The following PTPRD variants were observed in gnomAD, a reference collection of about 807,000 sequenced individuals.
The protein encoded by PTPRD is receptor-type tyrosine-protein phosphatase delta.
Under a neutral mutation model 214.5 loss-of-function variants are expected in PTPRD, and 34 were observed. The observed-to-expected ratio is 0.16, with a 90% CI of 0.12 to 0.21. PTPRD has a LOEUF of 0.21. Among genes scored for constraint, PTPRD ranks in the 10% least tolerant of loss-of-function variants. The pLI is 1.00. For missense variants in PTPRD, 2,545 were observed against 2,398.7 expected (o/e 1.06, Z -1.27); for synonymous variants, 1,128 against 845.7 (o/e 1.33, Z -5.79).
At chr9:10,099,201 G>A (rs1000248610) in intron 3 of PTPRD, among the ~76,000 whole-genome samples, 1 of 151,640 alleles carries the variant, frequency 6.6e-6, no homozygotes, top group Non-Finnish European at 1.5e-5. Context: ...AGAGCCTGGG[G>A]TCTAAAATCA....
At chr9:10,343,385 C>T (rs1415889229) in intron 2 of PTPRD, among the ~76,000 whole-genome samples, 2 of 152,134 alleles carry the variant, frequency 1.3e-5, no homozygotes, top group Non-Finnish European at 2.9e-5. Context: ...CATTGATGGA[C>T]ATTCTGGTTG....
chr9:9,361,200 T>C (rs2056009615), intron 9 of PTPRD, among the ~76,000 whole-genome samples: 1 of 151,146 alleles, frequency 6.6e-6, no homozygotes, highest in African/African-American at 2.4e-5. Flanking sequence ...CTTAAATGCT[T>C]ATAACCATTC....
At chr9:9,840,463 G>A (rs576629700) in intron 5 of PTPRD, among the ~76,000 whole-genome samples, 4 of 152,036 alleles carry the variant, frequency 2.6e-5, no homozygotes, top group African/African-American at 9.7e-5. Context: ...AAGTAAATAC[G>A]TAAATGTGAT....
intron 11 of PTPRD, among the ~76,000 whole-genome samples, chr9:8,784,520 A>G (rs950607924): frequency 6.6e-6 from 1 of 152,262 alleles, no homozygotes; most frequent in Non-Finnish European, 1.5e-5. Context: ...ACAAGGCTAC[A>G]TAAAGAAGCA....
intron 2 of PTPRD, among the ~76,000 whole-genome samples, chr9:10,479,662 C>G (rs201737135): frequency 3.8e-5 from 2 of 52,596 alleles, no homozygotes; most frequent in South Asian, 2.5e-3. Context: ...AATAAATAAA[C>G]AAAAATACAA....
chr9:9,572,812 A>C lies in PTPRD; in HGVS notation c.-237+1920T>G, dbSNP rs376776444. ...AAATAAGAGCAAAAACAAATGTTTG[A>C]TAGCATTAATATTCAATATATTCCA... On this transcript the variant is annotated intron_variant, in intron 8 of 45. Transcript: ENST00000381196. Among the ~76,000 whole-genome samples, 15 of 151,542 alleles carry C rather than the reference A, an allele frequency of 9.9e-5. No homozygotes were observed. The East Asian group carries it at 2.9e-3, about 29-fold the overall frequency.
At chr9:10,323,967 T>G (rs1444043040) in intron 3 of PTPRD, among the ~76,000 whole-genome samples, 1 of 152,078 alleles carries the variant, frequency 6.6e-6, no homozygotes, top group African/African-American at 2.4e-5. Flanking sequence ...GTGAGAATTT[T>G]TAAGAGAAAT....
chr9:10,421,181 CA>C (rs35951527), intron 2 of PTPRD, among the ~76,000 whole-genome samples: 1 of 151,746 alleles, frequency 6.6e-6, no homozygotes. Flanking sequence ...GCTTGATCTA[CA>C]AAAAAATTCA....
At chr9:9,975,675 CA>C (rs1188519429) in intron 4 of PTPRD, among the ~76,000 whole-genome samples, 1 of 152,132 alleles carries the variant, frequency 6.6e-6, no homozygotes, top group Non-Finnish European at 1.5e-5. Context: ...ACACCACCAC[CA>C]ACAAGGAGAT....
At chr9:8,804,444 T>C (rs1250933242) in intron 11 of PTPRD, among the ~76,000 whole-genome samples, 1 of 149,050 alleles carries the variant, frequency 6.7e-6, no homozygotes, top group Non-Finnish European at 1.5e-5. Context: ...CAAAAAAAAA[T>C]AAAACTAGCC....
chr9:9,311,838 T>A (rs10977651), intron 9 of PTPRD, among the ~76,000 whole-genome samples: 1 of 152,018 alleles, frequency 6.6e-6, no homozygotes, highest in African/African-American at 2.4e-5. Flanking sequence ...ATTGACTGTA[T>A]CCTAGGTAGA....
intron 7 of PTPRD, among the ~76,000 whole-genome samples, chr9:9,593,168 A>G (rs1399584187): frequency 6.7e-6 from 1 of 148,534 alleles, no homozygotes; most frequent in African/African-American, 2.5e-5. Flanking sequence ...AAAAAGAAAA[A>G]TGAATTTATT....
At chr9:9,022,575 C>T (rs895009259) in intron 10 of PTPRD, among the ~76,000 whole-genome samples, 21 of 152,060 alleles carry the variant, frequency 1.4e-4, no homozygotes, top group African/African-American at 5.1e-4. Context: ...TAGGTTGAGC[C>T]ATCTAGGTTT....
intron 11 of PTPRD, among the ~76,000 whole-genome samples, chr9:8,958,152 T>C (rs1437999205): frequency 1.3e-5 from 2 of 151,886 alleles, no homozygotes. Context: ...TGTGTGCTTT[T>C]AAATATGAGA....
intron 20 of PTPRD, among the ~76,000 whole-genome samples, chr9:8,519,671 G>A (rs1268249175): frequency 6.6e-6 from 1 of 152,168 alleles, no homozygotes; most frequent in East Asian, 1.9e-4. Context: ...TCGTTAAACA[G>A]TTAACTGAAT....
chr9:9,207,727 G>A (rs1047287134), intron 9 of PTPRD, among the ~76,000 whole-genome samples: 1 of 151,940 alleles, frequency 6.6e-6, no homozygotes. Context: ...CAATATGCTC[G>A]CAAAAATACT....
intron 9 of PTPRD, among the ~76,000 whole-genome samples, chr9:9,296,428 T>C (rs929735946): frequency 6.6e-6 from 1 of 151,792 alleles, no homozygotes; most frequent in Non-Finnish European, 1.5e-5. Flanking sequence ...TTTGATTTTT[T>C]AAATAATTGA....
chr9:9,152,592 G>A (rs796824549), intron 10 of PTPRD, among the ~76,000 whole-genome samples: 6 of 152,322 alleles, frequency 3.9e-5, no homozygotes, highest in African/African-American at 1.2e-4. Flanking sequence ...TTATCATTGG[G>A]TGGTGGAGGT....
chr9:9,842,323 G>A (rs7850877), intron 5 of PTPRD, among the ~76,000 whole-genome samples: 4,614 of 25,566 alleles, frequency 0.18, 277 homozygotes, highest in African/African-American at 0.37. Flanking sequence ...TTTTTTTTTT[G>A]TCATGGACAC....
Sources: allele counts gnomAD v4.1 joint callset (sites outside exome capture counted in the v4.1 genomes callset), GRCh38; gene constraint gnomAD v4.1.1; transcripts MANE v1.5; gene names NCBI Gene and HGNC (gene_info 2026-07-23, HGNC 2026-07-21).